The following GBF1 variants were observed in gnomAD, a reference collection of about 807,000 sequenced individuals.
GBF1 encodes golgi brefeldin A resistant guanine nucleotide exchange factor 1.
A neutral mutation model predicts 210.5 loss-of-function variants in GBF1; 114 were observed. The ratio of observed to expected loss-of-function variants is 0.54; its 90% CI spans 0.47 to 0.63. GBF1 has a LOEUF of 0.63. GBF1 is among the 30% of genes least tolerant of loss of function. The probability of loss-of-function intolerance (pLI) is 0.00; values close to 1 mark genes in which losing one functional copy is unlikely to be tolerated. For synonymous variants in GBF1, 850 were observed against 889.2 expected, an observed-to-expected ratio of 0.96 and a Z score of 0.78; for missense variants, 1,851 against 2,357.7, an observed-to-expected ratio of 0.79 and a Z score of 4.45.
At chr10:102,256,454 C>T (rs2072395682) in intron 1 of GBF1, among the ~76,000 whole-genome samples, 1 of 151,454 alleles carries the variant, frequency 6.6e-6, no homozygotes, top group African/African-American at 2.4e-5. Context: ...TTATATACCT[C>T]TTATCATTAT....
rs572732111 is a variant in GBF1 at position 102,258,244 on chromosome 10, T to G, written c.-10-685T>G. Among the ~76,000 whole-genome samples the G allele has an allele frequency of 2.1e-5, 3 of 145,540 alleles. No homozygotes were observed. In the East Asian group the frequency reaches 6.4e-4, roughly 31 times the overall value. On this transcript the variant is annotated intron_variant, in intron 1 of 39. Transcript: ENST00000369983. ...GATCTTGGCTCACACAACCTCTGCC[T>G]CCCAGGTCCAAGCAATTCTCCCATC... is the stretch of plus-strand genomic sequence containing the variant.
the GBF1 span, among the ~76,000 whole-genome samples, chr10:102,232,355 CAG>C: frequency 6.6e-6 from 1 of 152,268 alleles, no homozygotes; most frequent in African/African-American, 2.4e-5. Context: ...GCCAGGTATA[CAG>C]TTGGGGTTCA....
Position 102,368,304 on chromosome 10 carries a change from C to A in GBF1, c.2729C>A (p.Thr910Asn). ...AATGTGCTGCTTCATCGAGGTGCCA[C>A]CCCTGAGGGCATATTCCTGCGTGTG... Reference protein sequence around the residue: ...VWNVLLHRGATPEGIFLRVPT... With the variant: ...VWNVLLHRGANPEGIFLRVPT... Residue 910 changes from threonine to asparagine, a missense_variant, in exon 22 of 40, where the codon ACC (threonine) becomes AAC (asparagine). Thr to Asn is a moderately conservative substitution (Grantham distance 65, BLOSUM62 0). Around this residue, in one of 3 missense-constraint regions of GBF1, gnomAD observed 967 missense variants for 1,247.7 expected, o/e 0.78. Coordinates refer to ENST00000369983, the MANE Select transcript of GBF1 (RefSeq NM_001377137.1). The A allele has an allele frequency of 1.2e-6, 2 of 1,613,946 alleles. No homozygotes were observed. Among genetic ancestry groups the A allele is most frequent in the Non-Finnish European group, 1.7e-6 (2 of 1,179,766 alleles).
At chr10:102,242,500 C>T (rs1216203198), upstream of GBF1, among the ~76,000 whole-genome samples, 1 of 152,182 alleles carries the variant, frequency 6.6e-6, no homozygotes, top group Non-Finnish European at 1.5e-5. Context: ...TAGGAATTTG[C>T]AAGGGACAGG....
intron 3 of GBF1, among the ~76,000 whole-genome samples, chr10:102,299,928 T>C (rs1447110430): frequency 1.3e-5 from 2 of 152,244 alleles, no homozygotes; most frequent in African/African-American, 4.8e-5. Context: ...AGTATGATAT[T>C]AAATATGGTG....
intron 33 of GBF1, among the ~76,000 whole-genome samples, chr10:102,377,863 A>G (rs972767902): frequency 6.6e-6 from 1 of 152,162 alleles, no homozygotes; most frequent in Non-Finnish European, 1.5e-5. Flanking sequence ...TAATTATGTG[A>G]GCAGAGTTTA....
chr10:102,331,896 G>A (rs2057363582), intron 3 of GBF1, among the ~76,000 whole-genome samples: 1 of 123,630 alleles, frequency 8.1e-6, no homozygotes, highest in Non-Finnish European at 1.6e-5. Flanking sequence ...GTCTGGCTCT[G>A]TCGCCCAGGC....
chr10:102,230,714 A>G, the GBF1 span: 1 of 1,547,698 alleles, frequency 6.5e-7, no homozygotes, highest in Non-Finnish European at 8.7e-7. Context: ...GCATAAGGGC[A>G]GGACACGGCC....
chr10:102,380,413 G>A (rs766207546), intron 37 of GBF1, 51 bp downstream of exon 37: 2 of 1,576,808 alleles, frequency 1.3e-6, no homozygotes, highest in Admixed American at 1.7e-5. Context: ...CCTGTTGGAA[G>A]GACTTGCCCT....
chr10:102,379,771 G>A, intron 35 of GBF1, 82 bp from the exon 36 acceptor site: 3 of 1,467,646 alleles, frequency 2.0e-6, no homozygotes, highest in South Asian at 1.1e-5. Flanking sequence ...TCAGCTCTAT[G>A]CCCATCCAGT....
intron 3 of GBF1, among the ~76,000 whole-genome samples, chr10:102,308,338 TG>T (rs1346899474): frequency 1.3e-5 from 2 of 152,012 alleles, no homozygotes; most frequent in Admixed American, 1.3e-4. Flanking sequence ...ACAACACAGA[TG>T]ACTTTCTCCA....
At chr10:102,284,157 AT>A (rs2133510562) in intron 3 of GBF1, among the ~76,000 whole-genome samples, 1 of 152,346 alleles carries the variant, frequency 6.6e-6, no homozygotes, top group South Asian at 2.1e-4. Flanking sequence ...GAAATTGTTC[AT>A]GGTTTCTTAG....
chr10:102,293,769 GTGTTTTTTTTTT>G (rs2076659842), intron 3 of GBF1, among the ~76,000 whole-genome samples: 1 of 27,770 alleles, frequency 3.6e-5, no homozygotes, highest in African/African-American at 1.6e-4. Context: ...AGTATGTTTT[GTGTTTTTTTTTT>G]TTTTTTTTTT....
At chr10:102,305,664 G>A (rs988713652) in intron 3 of GBF1, among the ~76,000 whole-genome samples, 4 of 151,986 alleles carry the variant, frequency 2.6e-5, no homozygotes, top group Non-Finnish European at 5.9e-5. Flanking sequence ...CTTTTGAGAC[G>A]GAGTTCCGTT....
chr10:102,288,603 C>G (rs1187619279), intron 3 of GBF1, among the ~76,000 whole-genome samples: 1 of 151,304 alleles, frequency 6.6e-6, no homozygotes, highest in South Asian at 2.1e-4. Flanking sequence ...CCCAGCTACT[C>G]GAGAGGCTGA....
intron 3 of GBF1, among the ~76,000 whole-genome samples, chr10:102,289,191 T>C (rs1227067607): frequency 6.6e-6 from 1 of 152,108 alleles, no homozygotes; most frequent in Non-Finnish European, 1.5e-5. Context: ...TGATGAGGAC[T>C]GCACAGGCAG....
chr10:102,308,065 T>C (rs1285346382), intron 3 of GBF1, among the ~76,000 whole-genome samples: 1 of 152,028 alleles, frequency 6.6e-6, no homozygotes, highest in African/African-American at 2.4e-5. Context: ...ATAGGGTAAA[T>C]TGGAAAGCTG....
intron 3 of GBF1, among the ~76,000 whole-genome samples, chr10:102,307,750 A>G (rs1565090496): frequency 6.6e-6 from 1 of 152,190 alleles, no homozygotes; most frequent in South Asian, 2.1e-4. Flanking sequence ...AGATCGCGCC[A>G]TTGCACTCCA....
upstream of GBF1, among the ~76,000 whole-genome samples, chr10:102,242,142 T>G (rs983282112): frequency 2.0e-5 from 3 of 152,212 alleles, no homozygotes; most frequent in Admixed American, 1.3e-4. Flanking sequence ...TTTCCTCATA[T>G]CTTTCCTCTT....
Sources: allele counts gnomAD v4.1 joint callset (sites outside exome capture counted in the v4.1 genomes callset), GRCh38; gene constraint gnomAD v4.1.1; regional missense constraint gnomAD v4.1.1; transcripts MANE v1.5; gene names NCBI Gene and HGNC (gene_info 2026-07-23, HGNC 2026-07-21).